OPCML: variants seen among roughly 807,000 people sequenced by gnomAD.
OPCML encodes the protein opioid binding protein/cell adhesion molecule like, also known as opioid-binding protein/cell adhesion molecule.
Under a neutral mutation model 37.8 loss-of-function variants are expected in OPCML, and 13 were observed. The observed-to-expected ratio is 0.34, with a 90% confidence interval of 0.22 to 0.55. OPCML has a LOEUF of 0.55. Among genes scored for constraint, OPCML ranks in the 20% least tolerant of loss-of-function variants. OPCML has a pLI of 0.91. For missense variants in OPCML, 341 were observed against 435.6 expected (o/e 0.78, Z 1.93); for synonymous variants, 176 against 168.8 (o/e 1.04, Z -0.33).
intron 1 of OPCML, among the ~76,000 whole-genome samples, chr11:133,121,739 A>G (rs1260911589): frequency 6.6e-6 from 1 of 152,202 alleles, no homozygotes; most frequent in Admixed American, 6.5e-5. Flanking sequence ...ATGCCTACCC[A>G]TTTAAGGCTC....
intron 2 of OPCML, among the ~76,000 whole-genome samples, chr11:132,791,250 C>T (rs909229392): frequency 1.3e-5 from 2 of 152,166 alleles, no homozygotes; most frequent in African/African-American, 4.8e-5. Context: ...GCCACTTCAC[C>T]TGAGTCTGAT....
chr11:132,582,103 TTTGTGTGTGTG>T (rs1320190585), intron 3 of OPCML, among the ~76,000 whole-genome samples: 1 of 86,190 alleles, frequency 1.2e-5, no homozygotes, highest in East Asian at 3.4e-4. Context: ...TCACACATAC[TTTGTGTGTGTG>T]TGTGTGTGTG....
intron 2 of OPCML, among the ~76,000 whole-genome samples, chr11:132,818,660 AG>A: frequency 1.7e-5 from 2 of 115,550 alleles, no homozygotes; most frequent in African/African-American, 3.2e-5. Flanking sequence ...ATATATATAT[AG>A]ACAGATTATA....
intron 3 of OPCML, among the ~76,000 whole-genome samples, chr11:132,639,851 G>T (rs1347804306): frequency 1.3e-5 from 2 of 152,226 alleles, no homozygotes; most frequent in Non-Finnish European, 2.9e-5. Context: ...AGAAAGCAAA[G>T]CTCTGCTAAG....
intron 1 of OPCML, among the ~76,000 whole-genome samples, chr11:133,052,516 T>C (rs1948149983): frequency 6.6e-6 from 1 of 152,188 alleles, no homozygotes; most frequent in South Asian, 2.1e-4. Flanking sequence ...CTTCATACTT[T>C]AGGGGACATC....
At chr11:133,183,404 G>C (rs144861305) in intron 1 of OPCML, among the ~76,000 whole-genome samples, 109 of 152,270 alleles carry the variant, frequency 7.2e-4, no homozygotes, top group African/African-American at 2.6e-3. Context: ...AAACCTGTAG[G>C]ATTTCCTGAA....
chr11:133,002,787 T>C (rs79741981), intron 1 of OPCML, among the ~76,000 whole-genome samples: 1 of 111,610 alleles, frequency 9.0e-6, no homozygotes, highest in Non-Finnish European at 1.9e-5. Context: ...GAGGGGGGGG[T>C]GGGAAGAGAA....
At chr11:132,737,956 C>T (rs140924003) in intron 2 of OPCML, among the ~76,000 whole-genome samples, 3 of 152,250 alleles carry the variant, frequency 2.0e-5, no homozygotes, top group African/African-American at 7.2e-5. Flanking sequence ...CTATCTTTCA[C>T]CTCTATAAAT....
chr11:132,536,069 C>A (rs984991182), intron 3 of OPCML, among the ~76,000 whole-genome samples: 1 of 152,118 alleles, frequency 6.6e-6, no homozygotes, highest in Admixed American at 6.5e-5. Flanking sequence ...CATTGCTACA[C>A]CCCCGCAAGG....
intron 2 of OPCML, among the ~76,000 whole-genome samples, chr11:132,691,731 A>G (rs1343049686): frequency 6.6e-6 from 1 of 152,208 alleles, no homozygotes; most frequent in Non-Finnish European, 1.5e-5. Flanking sequence ...TTTCATTACC[A>G]AGTCTGATGA....
intron 1 of OPCML, among the ~76,000 whole-genome samples, chr11:133,269,919 C>T (rs11223422): frequency 0.22 from 32,866 of 151,968 alleles, 3,664 homozygotes; most frequent in South Asian, 0.33. Context: ...AAAATGCTTC[C>T]AAGAGGTGTG....
chr11:133,225,640 T>A (rs1267818477), intron 1 of OPCML, among the ~76,000 whole-genome samples: 1 of 152,144 alleles, frequency 6.6e-6, no homozygotes, highest in Non-Finnish European at 1.5e-5. Context: ...TGTGTCTGCA[T>A]ACACAAAACA....
intron 1 of OPCML, among the ~76,000 whole-genome samples, chr11:133,405,668 C>T (rs1189847266): frequency 6.6e-6 from 1 of 152,146 alleles, no homozygotes; most frequent in Non-Finnish European, 1.5e-5. Flanking sequence ...AGCTTTGAGG[C>T]TTCCCATATT....
At chr11:132,449,439 G>C (rs1444127000) in intron 4 of OPCML, among the ~76,000 whole-genome samples, 1 of 152,120 alleles carries the variant, frequency 6.6e-6, no homozygotes, top group African/African-American at 2.4e-5. Context: ...TCATGCGTCT[G>C]AGGGTACACT....
chr11:132,437,362 G>A lies in OPCML; in HGVS notation c.506-3C>T, dbSNP rs1168998126. The A allele has an allele frequency of 1.2e-6, 2 of 1,613,864 alleles. No homozygotes were observed. Among genetic ancestry groups the A allele is most frequent in the East Asian group, 4.5e-5 (2 of 44,860 alleles). ...CTCACTTACAAAGCCCTGGCCTTCT[G>A]GGAAGAAAGAAGCAGACAGGAAACA... On this transcript the variant is annotated splice_polypyrimidine_tract_variant and splice_region_variant and intron_variant, in intron 4 of 7. Coordinates refer to ENST00000524381, the MANE Select transcript of OPCML (RefSeq NM_001012393.5).
intron 2 of OPCML, among the ~76,000 whole-genome samples, chr11:132,861,384 T>G (rs1942292203): frequency 6.6e-6 from 1 of 152,216 alleles, no homozygotes; most frequent in African/African-American, 2.4e-5. Flanking sequence ...TCCTATGTGT[T>G]AAGGTTATAT....
intron 4 of OPCML, among the ~76,000 whole-genome samples, chr11:132,521,236 C>T (rs1591499847): frequency 6.6e-6 from 1 of 151,776 alleles, no homozygotes; most frequent in African/African-American, 2.4e-5. Flanking sequence ...GTTTTTTTAT[C>T]TTGTAAATTT....
chr11:133,155,947 T>A (rs1224776766), intron 1 of OPCML, among the ~76,000 whole-genome samples: 3 of 152,118 alleles, frequency 2.0e-5, no homozygotes, highest in Non-Finnish European at 2.9e-5. Context: ...ATCACCCTCT[T>A]CTCTAGTCCT....
intron 1 of OPCML, among the ~76,000 whole-genome samples, chr11:133,317,041 T>C (rs1943219499): frequency 6.6e-6 from 1 of 151,980 alleles, no homozygotes; most frequent in Non-Finnish European, 1.5e-5. Flanking sequence ...CTACTAAAAA[T>C]ACAAAAATTA....
Sources: allele counts gnomAD v4.1 joint callset (sites outside exome capture counted in the v4.1 genomes callset), GRCh38; gene constraint gnomAD v4.1.1; transcripts MANE v1.5; gene names NCBI Gene and HGNC (gene_info 2026-07-23, HGNC 2026-07-21).